The following ATF7IP2 variants were observed in gnomAD, a reference collection of about 807,000 sequenced individuals.
The protein encoded by ATF7IP2 is activating transcription factor 7-interacting protein 2.
In ATF7IP2, 42 loss-of-function variants were observed where a neutral mutation model predicts 64.2. The observed-to-expected ratio is 0.65, with a 90% CI of 0.51 to 0.85. ATF7IP2 has a LOEUF of 0.85. Among genes scored for constraint, ATF7IP2 ranks in the 40% least tolerant of loss-of-function variants. The pLI, the probability that ATF7IP2 is intolerant of heterozygous loss-of-function variation, is 0.00. For missense variants in ATF7IP2, 933 were observed against 784.2 expected, an observed-to-expected ratio of 1.19 and a Z score of -2.27; for synonymous variants, 308 against 272.8, an observed-to-expected ratio of 1.13 and a Z score of -1.27.
intron 3 of ATF7IP2, among the ~76,000 whole-genome samples, chr16:10,420,255 C>A (rs938755324): frequency 6.6e-6 from 1 of 152,172 alleles, no homozygotes; most frequent in African/African-American, 2.4e-5. Flanking sequence ...TGATGTTTAA[C>A]ACAGGCAGAA....
At chr16:10,389,508 C>T (rs2047278131) in intron 1 of ATF7IP2, among the ~76,000 whole-genome samples, 1 of 152,112 alleles carries the variant, frequency 6.6e-6, no homozygotes, top group Non-Finnish European at 1.5e-5. Context: ...TCCAGTGTTA[C>T]CATCCCCTAC....
At chr16:10,444,675 G>A (rs1463182236) in intron 8 of ATF7IP2, among the ~76,000 whole-genome samples, 2 of 152,148 alleles carry the variant, frequency 1.3e-5, no homozygotes, top group South Asian at 2.1e-4. Context: ...TTTCAAAATC[G>A]ATTTAAATGA....
intron 1 of ATF7IP2, among the ~76,000 whole-genome samples, chr16:10,411,991 GTTTCA>G (rs1285865013): frequency 1.1e-4 from 2 of 18,394 alleles, no homozygotes; most frequent in Non-Finnish European, 2.7e-4. Context: ...CCAGCTTTTT[GTTTCA>G]TTTATCTTTT....
intron 5 of ATF7IP2, 57 bp from the exon 6 acceptor site, chr16:10,433,468 C>G (rs2048322090): frequency 6.5e-7 from 1 of 1,536,938 alleles, no homozygotes; most frequent in Non-Finnish European, 8.9e-7. Context: ...AGCCACCACA[C>G]TGAACCTGTT....
chr16:10,428,859 T>G lies in ATF7IP2; in HGVS notation c.-159-9T>G, dbSNP rs2048151350. ...AATTCACCATATATTTATTTTCTTT[T>G]TTTGATAGGAATCCTGCTTTTTTTT... is the stretch of plus-strand genomic sequence containing the variant. On this transcript the variant is annotated splice_polypyrimidine_tract_variant and intron_variant, in intron 3 of 13. Transcript: ENST00000562102. 6.6e-6 allele frequency: 1 copy of G among 150,746 alleles called. No individual in the cohort carries two copies. Among genetic ancestry groups the G allele is most frequent in the African/African-American group, 2.5e-5 (1 of 40,384 alleles). The allele number at this position is 150,746 out of a possible 1,614,324, so 9.3% of individuals were successfully genotyped here. A position where few individuals can be genotyped will look rare whatever the true frequency, so the allele number is the denominator to read the frequency against.
intron 1 of ATF7IP2, among the ~76,000 whole-genome samples, chr16:10,401,239 C>T (rs886628572): frequency 1.3e-5 from 2 of 149,706 alleles, no homozygotes; most frequent in Non-Finnish European, 3.0e-5. Context: ...GTGATCTCGG[C>T]TCACTGCAAC....
chr16:10,438,090 T>C lies in ATF7IP2; in HGVS notation c.961-11T>C. ...ACGTAGGGTGTTTTGGTTTTTATTTTAAAATTCTAGGTCAGACATTTGATT... is the reference window on the plus strand; with the variant it reads ...ACGTAGGGTGTTTTGGTTTTTATTTCAAAATTCTAGGTCAGACATTTGATT... On this transcript the variant is annotated splice_polypyrimidine_tract_variant and intron_variant, in intron 6 of 13. Coordinates refer to ENST00000562102, the MANE Select transcript of ATF7IP2 (RefSeq NM_001393719.1). 8 of 1,524,686 alleles carry C rather than the reference T, an allele frequency of 5.2e-6. No individual in the cohort carries two copies. The highest frequency in any genetic ancestry group is 7.0e-6 in the Non-Finnish European group (8 of 1,141,744). 94.4% of individuals were successfully genotyped at this position (1,524,686 alleles called of 1,614,324 possible).
chr16:10,392,867 G>T (rs1370460688), intron 1 of ATF7IP2, among the ~76,000 whole-genome samples: 1 of 150,862 alleles, frequency 6.6e-6, no homozygotes, highest in Non-Finnish European at 1.5e-5. Context: ...CGCCCCTGAT[G>T]TCCCTGCTAC....
rs145255943 is a variant in ATF7IP2, at chr16:10,454,543, G to C, written c.1195-2829G>C. Among the ~76,000 whole-genome samples the C allele has an allele frequency of 8.1e-3, 1,218 of 151,272 alleles. 18 individuals carry two copies. Among genetic ancestry groups the C allele is most frequent in the African/African-American group, 0.028 (1,138 of 41,334 alleles). ...ATTATTTTTCCTTCTTGATCAACCAGATTTTGTTATTTCTATCATTTGTTT... is the reference window on the plus strand; with the variant it reads ...ATTATTTTTCCTTCTTGATCAACCACATTTTGTTATTTCTATCATTTGTTT... On this transcript the variant is annotated intron_variant, in intron 8 of 13. Coordinates refer to ENST00000562102, the MANE Select transcript of ATF7IP2 (RefSeq NM_001393719.1).
At chr16:10,409,014 G>T (rs1490432978) in intron 1 of ATF7IP2, among the ~76,000 whole-genome samples, 1 of 152,208 alleles carries the variant, frequency 6.6e-6, no homozygotes, top group Non-Finnish European at 1.5e-5. Context: ...CTGCAGAAGG[G>T]TGCTGCTCAT....
At chr16:10,441,426 A>T (rs2048617768) in intron 8 of ATF7IP2, among the ~76,000 whole-genome samples, 1 of 152,026 alleles carries the variant, frequency 6.6e-6, no homozygotes, top group African/African-American at 2.4e-5. Flanking sequence ...TTGTTTCCTG[A>T]CTTTTTAATG....
At chr16:10,410,652 A>G (rs1382330815) in intron 1 of ATF7IP2, among the ~76,000 whole-genome samples, 6 of 152,108 alleles carry the variant, frequency 3.9e-5, no homozygotes, top group African/African-American at 1.4e-4. Context: ...CTGGCTAGGA[A>G]GAGAAGTGGT....
chr16:10,415,531 T>C (rs370994646), intron 2 of ATF7IP2, among the ~76,000 whole-genome samples: 5 of 152,298 alleles, frequency 3.3e-5, no homozygotes, highest in East Asian at 1.9e-4. Context: ...GAAGAAATCA[T>C]TGGGGAAACT....
At chr16:10,459,231 G>C (rs745528000) in intron 9 of ATF7IP2, among the ~76,000 whole-genome samples, 1 of 152,098 alleles carries the variant, frequency 6.6e-6, no homozygotes, top group Non-Finnish European at 1.5e-5. Context: ...CACTTTCGGA[G>C]GCCTAGGTGG....
chr16:10,451,864 C>A (rs1158993065), intron 8 of ATF7IP2, among the ~76,000 whole-genome samples: 1 of 151,902 alleles, frequency 6.6e-6, no homozygotes, highest in Non-Finnish European at 1.5e-5. Context: ...CCACCCTAGC[C>A]AACATAGTGA....
chr16:10,404,091 C>T (rs889728572), intron 1 of ATF7IP2, among the ~76,000 whole-genome samples: 8 of 152,056 alleles, frequency 5.3e-5, no homozygotes, highest in African/African-American at 1.9e-4. Flanking sequence ...CTAATGATTC[C>T]TAGGAAAATA....
intron 9 of ATF7IP2, among the ~76,000 whole-genome samples, chr16:10,470,801 G>GTATA (rs111732771): frequency 4.1e-5 from 6 of 144,908 alleles, no homozygotes; most frequent in African/African-American, 1.6e-4. Context: ...ATATATATAT[G>GTATA]TATATATATA....
At position 10,393,853 on chromosome 16, in the gene ATF7IP2, C is replaced by T. The variant is rs548010331; in HGVS notation, c.-242+7731C>T. ...GCCAGGAGTTTGAGATGAGCTTGGG[C>T]ACCATAGTAAGACCTTGTCTCTACA... On this transcript the variant is annotated intron_variant, in intron 1 of 13. Transcript: ENST00000562102. Among the ~76,000 whole-genome samples the T allele has an allele frequency of 1.9e-3, 286 of 152,192 alleles. 2 individuals are homozygous for T. The highest frequency in any genetic ancestry group is 6.7e-3 in the African/African-American group (280 of 41,526).
intron 1 of ATF7IP2, among the ~76,000 whole-genome samples, chr16:10,398,776 T>A (rs537592789): frequency 4.6e-5 from 7 of 152,190 alleles, no homozygotes; most frequent in African/African-American, 1.4e-4. Context: ...TGGGGTTGAA[T>A]AGATACTGGT....
Sources: allele counts gnomAD v4.1 joint callset (sites outside exome capture counted in the v4.1 genomes callset), GRCh38; gene constraint gnomAD v4.1.1; transcripts MANE v1.5; gene names NCBI Gene and HGNC (gene_info 2026-07-23, HGNC 2026-07-21).